PLEC: variants seen among roughly 807,000 people sequenced by gnomAD.
The protein encoded by PLEC is hemidesmosomal protein 1.
Under a neutral mutation model 392.8 loss-of-function variants are expected in PLEC, and 216 were observed. The ratio of observed to expected loss-of-function variants is 0.55; its 90% CI spans 0.49 to 0.62. The LOEUF (loss-of-function observed/expected upper bound fraction) is 0.62, where lower values mean the gene tolerates loss of function less well. Among genes scored for constraint, PLEC ranks in the 20% least tolerant of loss-of-function variants. PLEC has a pLI of 0.00. For missense variants in PLEC, 6,863 were observed against 6,563.4 expected, an observed-to-expected ratio of 1.05 and a Z score of -1.58; for synonymous variants, 3,621 against 2,980.6, an observed-to-expected ratio of 1.21 and a Z score of -7.00.
upstream of PLEC, among the ~76,000 whole-genome samples, chr8:143,974,235 C>A (rs934457836): frequency 3.3e-5 from 5 of 152,232 alleles, no homozygotes; most frequent in Admixed American, 6.5e-5. The surrounding 1 kb of genome is among the most constrained non-coding windows in gnomAD (Gnocchi z 5.9). Context: ...GGGGGCAAAG[C>A]CTTTGCAGTG....
chr8:143,959,035 A>C (rs962356245), intron 1 of PLEC, among the ~76,000 whole-genome samples: 7 of 152,254 alleles, frequency 4.6e-5, no homozygotes, highest in African/African-American at 1.7e-4. Flanking sequence ...ACAAGGAATG[A>C]GCTTACATCG....
chr8:143,919,726 G>A lies in PLEC; in HGVS notation c.10095C>T (p.Thr3365=). 1 of 1,606,926 alleles carries A rather than the reference G, an allele frequency of 6.2e-7. No individual in the cohort carries two copies. Among genetic ancestry groups the A allele is most frequent in the South Asian group, 1.1e-5 (1 of 90,998 alleles). The change falls in exon 32 of 32, where the codon ACC becomes ACT. Residue 3365 remains threonine, a synonymous_variant. Coordinates refer to ENST00000345136, the MANE Select transcript of PLEC (RefSeq NM_201384.3). ...GCLAGIYLED[T]KEKVSIYEAM... ...CCTCGTAGATGGACACCTTCTCCTTGGTGTCCTCCAGGTAGATGCCGGCGA... is the reference window on the plus strand; with the variant it reads ...CCTCGTAGATGGACACCTTCTCCTTAGTGTCCTCCAGGTAGATGCCGGCGA...
At position 143,927,902 on chromosome 8, in the gene PLEC, G is replaced by A. The variant is rs145376880; in HGVS notation, c.3351C>T (p.Ala1117=). The change falls in exon 26 of 32, where the codon GCC becomes GCT. Residue 1117 remains alanine, a synonymous_variant. Coordinates refer to ENST00000345136, the MANE Select transcript of PLEC (RefSeq NM_201384.3). ...AHEEQLKEAQ[A]VPATLPELEA... The stretch of plus-strand genomic sequence containing the variant: ...CGAGCTCCGGGAGGGTGGCCGGCAC[G>A]GCCTGGGCCTCCTTGAGCTGCTCCT... The A allele has an allele frequency of 5.5e-3, 8,722 of 1,596,348 alleles. 54 individuals carry two copies. The highest frequency in any genetic ancestry group is 0.038 in the Middle Eastern group (227 of 6,038).
chr8:143,932,570 A>G lies in PLEC; in HGVS notation c.1816-9T>C. 1 of 1,612,392 alleles carries G rather than the reference A, an allele frequency of 6.2e-7. No individual in the cohort carries two copies. The highest frequency in any genetic ancestry group is 8.5e-7 in the Non-Finnish European group (1 of 1,179,894). ...CGGGCCTTGGAGGAGTTCTGTGGGC[A>G]GGAGGGTGCGTGTCAGCAGGCCGCG... On this transcript the variant is annotated splice_polypyrimidine_tract_variant and intron_variant, in intron 15 of 31. Coordinates refer to ENST00000345136, the MANE Select transcript of PLEC (RefSeq NM_201384.3).
chr8:143,973,704 C>A (rs1833556671), upstream of PLEC, among the ~76,000 whole-genome samples: 1 of 151,056 alleles, frequency 6.6e-6, no homozygotes, highest in Admixed American at 6.6e-5. The surrounding 1 kb of genome is among the most constrained non-coding windows in gnomAD (Gnocchi z 5.6). Context: ...GAGTCCCGCA[C>A]GCACGCCCTT....
upstream of PLEC, chr8:143,942,639 C>T (rs113091722): frequency 1.7e-6 from 2 of 1,204,058 alleles, no homozygotes; most frequent in African/African-American, 1.6e-5. Flanking sequence ...CTTCCACCTC[C>T]CCCCCACAAT....
chr8:143,918,712 T>C lies in PLEC; in HGVS notation c.11109A>G (p.Thr3703=), dbSNP rs782245507. 3 of 1,612,968 alleles carry C rather than the reference T, an allele frequency of 1.9e-6. No individual in the cohort carries two copies. In the Admixed American group the frequency reaches 5.0e-5, roughly 27 times the overall value. Residue 3703 remains threonine, a synonymous_variant, in exon 32 of 32, where the codon ACA becomes ACG. Transcript: ENST00000345136. ...AGVYLPGSRQ[T]LSIYQALKKG... Reference sequence around the variant, plus strand: ...TCTTGAGAGCCTGGTAGATGCTCAGTGTCTGCCTGGAACCGGGCAGGTAGA... The same window carrying C: ...TCTTGAGAGCCTGGTAGATGCTCAGCGTCTGCCTGGAACCGGGCAGGTAGA...
chr8:143,932,381 C>A lies in PLEC; in HGVS notation c.1977+19G>T. 1.2e-6 allele frequency: 2 copies of A among 1,612,354 alleles called. No homozygotes were observed. The highest frequency in any genetic ancestry group is 1.7e-6 in the Non-Finnish European group (2 of 1,179,924). The stretch of plus-strand genomic sequence containing the variant: ...GGGGAGGGGGCTGTGGGGTTCAGGG[C>A]AGCTGGGCCACCGCTCACCGAGTAG... On this transcript the variant is annotated intron_variant, in intron 16 of 31. Transcript: ENST00000345136.
At chr8:143,944,683 C>T in intron 1 of PLEC, 1 of 1,328,694 alleles carries the variant, frequency 7.5e-7, no homozygotes, top group Non-Finnish European at 9.7e-7. Context: ...TGGCAGGAGC[C>T]CACGGGGCAG....
chr8:143,928,093 C>T (rs1219126269), intron 25 of PLEC, 101 bp from the exon 26 acceptor site: 11 of 1,431,006 alleles, frequency 7.7e-6, no homozygotes, highest in Non-Finnish European at 1.0e-5. Flanking sequence ...GCCTGCCAAG[C>T]CCAGACCCAA....
intron 19 of PLEC, 31 bp from the exon 20 acceptor site, chr8:143,930,567 G>A (rs1554714261): frequency 6.4e-7 from 1 of 1,563,946 alleles, no homozygotes; most frequent in Non-Finnish European, 8.7e-7. Context: ...CCAGACGAGG[G>A]CCATGGAGAC....
rs781873962 is a variant in PLEC, at chr8:143,920,434, C to T, written c.9387G>A (p.Gln3129=). Residue 3129 remains glutamine (Q), a synonymous_variant, in exon 32 of 32, where the codon CAG becomes CAA. Coordinates refer to ENST00000345136, the MANE Select transcript of PLEC (RefSeq NM_201384.3). ...GCTGGGCGTCCAACAGGCGCAGGCCCTGCTCCCGGGGAATGAGGCCCTTCT... is the reference window on the plus strand; with the variant it reads ...GCTGGGCGTCCAACAGGCGCAGGCCTTGCTCCCGGGGAATGAGGCCCTTCT... ...ALKKGLIPRE[Q]GLRLLDAQLS... is the part of the protein sequence containing the mutation. 25 of 1,598,534 alleles carry T rather than the reference C, an allele frequency of 1.6e-5. No homozygotes were observed. The Admixed American group carries it at 4.2e-4, about 27-fold the overall frequency.
At chr8:143,972,729 T>C (rs1470490189) in intron 1 of PLEC, among the ~76,000 whole-genome samples, 1 of 152,188 alleles carries the variant, frequency 6.6e-6, no homozygotes, top group Non-Finnish European at 1.5e-5. Context: ...GCAGCTGGGC[T>C]GCAAGAATGG....
rs560918806 is a variant in PLEC, at chr8:143,925,281, G to A, written c.4648C>T (p.Arg1550Trp). Residue 1550 changes from arginine (R) to tryptophan (W), a missense_variant, in exon 31 of 32, where the codon CGG becomes TGG. By Grantham distance (101) the Arg-to-Trp change is moderately radical. Coordinates refer to ENST00000345136, the MANE Select transcript of PLEC (RefSeq NM_201384.3). ...TCCACCTCGGCCTGCCGCAGGCGCC[G>A]CTCCGCCTCCTCCGCCTGCAGCCGC... Reference protein sequence around the residue: ...ELRLQAEEAERRLRQAEVERA... With the variant: ...ELRLQAEEAEWRLRQAEVERA... 108 of 1,580,186 alleles carry A rather than the reference G, an allele frequency of 6.8e-5. No homozygotes were observed. The African/African-American group carries it at 8.2e-4, about 12-fold the overall frequency.
chr8:143,934,207 C>T (rs937700391), intron 11 of PLEC, 111 bp downstream of exon 11: 42 of 1,585,706 alleles, frequency 2.6e-5, no homozygotes, highest in Non-Finnish European at 3.0e-5. Context: ...TGTCCTAAGG[C>T]GAGTGGGAGC....
chr8:143,923,272 G>A lies in PLEC; in HGVS notation c.6657C>T (p.Ala2219=), dbSNP rs762600030. The change falls in exon 31 of 32, where the codon GCC becomes GCT. Residue 2219 remains alanine, a synonymous_variant. Transcript: ENST00000345136. The part of the protein sequence containing the change: ...LQRLKAEATE[A]ARQRSQVEEE... ...CCTCCACCTGGCTGCGCTGGCGTGC[G>A]GCCTCCGTGGCCTCCGCCTTCAGCC... The A allele has an allele frequency of 9.1e-5, 146 of 1,606,218 alleles. No homozygotes were observed. The highest frequency in any genetic ancestry group is 1.6e-4 in the Middle Eastern group (1 of 6,084).
upstream of PLEC, among the ~76,000 whole-genome samples, chr8:143,951,612 G>A (rs1832154949): frequency 6.6e-6 from 1 of 152,034 alleles, no homozygotes; most frequent in African/African-American, 2.4e-5. Context: ...GCTCAGAGGG[G>A]CCTCAATTCA....
chr8:143,946,415 C>A, intron 1 of PLEC: 1 of 1,286,130 alleles, frequency 7.8e-7, no homozygotes. Flanking sequence ...GGCCAGGCTG[C>A]TCCGAGAGCC....
chr8:143,924,264 C>T lies in PLEC; in HGVS notation c.5665G>A (p.Ala1889Thr). 6 of 1,597,648 alleles carry T rather than the reference C, an allele frequency of 3.8e-6. No individual in the cohort carries two copies. Among genetic ancestry groups the T allele is most frequent in the Non-Finnish European group, 5.1e-6 (6 of 1,179,124 alleles). The change falls in exon 31 of 32, where the codon GCT becomes ACT. Residue 1889 changes from alanine to threonine, a missense_variant. Ala to Thr is a moderately conservative substitution (Grantham distance 58). Transcript: ENST00000345136. The stretch of plus-strand genomic sequence containing the variant: ...TGGGCCAGGCGCTCCTCGATGTCAG[C>T]CTTGTGTTGCGCGGCCTGCTCCTCC... ...RLEEQAAQHK[A>T]DIEERLAQLR...
Sources: allele counts gnomAD v4.1 joint callset (sites outside exome capture counted in the v4.1 genomes callset), GRCh38; gene constraint gnomAD v4.1.1; non-coding constraint Gnocchi (gnomAD v3.1); transcripts MANE v1.5; gene names NCBI Gene and HGNC (gene_info 2026-07-23, HGNC 2026-07-21).